The following UNC45A variants were observed in gnomAD, a reference collection of about 807,000 sequenced individuals.
The protein encoded by UNC45A is protein unc-45 homolog A.
In UNC45A, 78 loss-of-function variants were observed where a neutral mutation model predicts 103.2. The ratio of observed to expected loss-of-function variants is 0.76; its 90% CI spans 0.63 to 0.91. The LOEUF is 0.91. Ranked by LOEUF, UNC45A falls within the 40% of genes least tolerant of loss-of-function variation. The pLI is 0.00. For synonymous variants in UNC45A, 495 were observed against 504.6 expected (o/e 0.98, Z 0.25); for missense variants, 1,193 against 1,224.8 (o/e 0.97, Z 0.39).
intron 8 of UNC45A, 71 bp from the exon 9 acceptor site, chr15:90,944,821 A>G: frequency 6.5e-7 from 1 of 1,533,470 alleles, no homozygotes; most frequent in Non-Finnish European, 8.8e-7. Flanking sequence ...CACATCTCCT[A>G]GGAAGCCTGT....
At chr15:90,931,276 C>CAGATTGT, upstream of UNC45A, 1 of 1,550,462 alleles carries the variant, frequency 6.4e-7, no homozygotes, top group Non-Finnish European at 8.7e-7. Context: ...AAGCACTGAT[C>CAGATTGT]AGATTGTCAG....
rs200893334 is a variant in UNC45A, at chr15:90,943,081, A to C, written c.1026A>C (p.Gln342His). The C allele has an allele frequency of 6.2e-7, 1 of 1,607,122 alleles. No individual in the cohort carries two copies. Residue 342 changes from glutamine (Q) to histidine (H), a missense_variant and splice_region_variant, in exon 8 of 20, where the codon CAA becomes CAC. Coordinates refer to ENST00000418476, the MANE Select transcript of UNC45A (RefSeq NM_018671.5). ...NNSLTLWVID[Q>H]GLKKILEVGG... ...GCCTCACCCTCTGGGTCATCGACCA[A>C]GGTAGGTGATATAGTTCACAAAAAC...
chr15:90,939,066 G>T (rs1057351955), intron 4 of UNC45A, among the ~76,000 whole-genome samples: 4 of 150,410 alleles, frequency 2.7e-5, no homozygotes, highest in African/African-American at 9.8e-5. Flanking sequence ...TGCAACTTCC[G>T]CATCTTGGGT....
chr15:90,952,065 G>A (rs532019587), intron 17 of UNC45A, among the ~76,000 whole-genome samples: 1 of 152,320 alleles, frequency 6.6e-6, no homozygotes, highest in South Asian at 2.1e-4. Flanking sequence ...AAGAAGCACT[G>A]TAGTTCATAC....
At chr15:90,935,200 CT>C, upstream of UNC45A, 1 of 990,118 alleles carries the variant, frequency 1.0e-6, no homozygotes, top group Non-Finnish European at 1.5e-6. Flanking sequence ...CTCCTTAGCC[CT>C]GCCCCTCTCT....
chr15:90,947,457 C>T, intron 10 of UNC45A: 1 of 341,152 alleles, frequency 2.9e-6, no homozygotes. Flanking sequence ...CCTGTCCTCT[C>T]CCCACATGCC....
rs1205805765 is a variant in UNC45A at position 90,939,734 on chromosome 15, C to T, written c.430C>T (p.Arg144Ter). The T allele has an allele frequency of 3.9e-5, 63 of 1,613,926 alleles. No homozygotes were observed. The highest frequency in any genetic ancestry group is 5.5e-5 in the South Asian group (5 of 91,080). Residue 144 changes from arginine (R) to a stop codon, truncating the protein, a stop_gained, in exon 5 of 20, where the codon CGA becomes TGA. Coordinates refer to ENST00000418476, the MANE Select transcript of UNC45A (RefSeq NM_018671.5). LOFTEE classifies it high-confidence loss of function. ...CATGCTTTGTTGGTTTGTCTAGGTG[C>T]GATACATGTCCTCGACGGATGCCAA... ...NIGGQIQEKV[R>*]YMSSTDAKVE...
upstream of UNC45A, chr15:90,932,132 G>A: frequency 6.3e-7 from 1 of 1,575,808 alleles, no homozygotes; most frequent in Non-Finnish European, 8.6e-7. Context: ...GGGCAAAGCA[G>A]GAAGTCAGGT....
chr15:90,942,567 A>G lies in UNC45A; in HGVS notation c.818A>G (p.Lys273Arg), dbSNP rs1314900494. The G allele has an allele frequency of 3.7e-6, 6 of 1,614,084 alleles. No individual in the cohort carries two copies. Among genetic ancestry groups the G allele is most frequent in the African/African-American group, 2.7e-5 (2 of 74,928 alleles). Residue 273 changes from lysine (K) to arginine (R), a missense_variant, in exon 7 of 20, where the codon AAA (lysine) becomes AGA (arginine). Physicochemically the swap from Lys to Arg is conservative, Grantham distance 26. Transcript: ENST00000418476. The stretch of plus-strand genomic sequence containing the variant: ...TTTGATGCCCTCAAGGAAGGTGTCA[A>G]AAAAGGCTTCCGAGGCAAAGAAGGT... ...VMFDALKEGVKKGFRGKEGAI... is the reference protein window; with the variant it reads ...VMFDALKEGVRKGFRGKEGAI...
upstream of UNC45A, chr15:90,931,084 G>C: frequency 1.6e-6 from 1 of 624,362 alleles, no homozygotes; most frequent in South Asian, 2.0e-5. Flanking sequence ...GGGTACATCT[G>C]ATTCCCACCA....
At chr15:90,935,427 C>T (rs1256093837) in intron 1 of UNC45A, 52 bp downstream of exon 1, 2 of 1,581,420 alleles carry the variant, frequency 1.3e-6, no homozygotes, top group Admixed American at 3.5e-5. Context: ...CCTGACCATC[C>T]CTGGCCTCCT....
At chr15:90,953,372 G>T in intron 19 of UNC45A, 62 bp downstream of exon 19, 1 of 1,593,138 alleles carries the variant, frequency 6.3e-7, no homozygotes, top group South Asian at 1.1e-5. Context: ...AGCAGCTGAA[G>T]GGGGCAGTCC....
chr15:90,953,716 A>C lies in UNC45A; in HGVS notation c.2835A>C (p.Ter945CysextTer20). Reference protein sequence around the residue: ...GLIQPNQDGE* With the variant: ...GLIQPNQDGEC Reference sequence around the variant, plus strand: ...TCCAACCCAACCAAGATGGAGAGTGAGGGGGTTGTCCCTGGGCCCAAGGCT... The same window carrying C: ...TCCAACCCAACCAAGATGGAGAGTGCGGGGGTTGTCCCTGGGCCCAAGGCT... The change falls in exon 20 of 20, where the codon TGA becomes TGC. Residue 945 changes from the stop codon to cysteine, a stop_lost. Transcript: ENST00000418476. The C allele has an allele frequency of 6.2e-7, 1 of 1,613,332 alleles. No individual in the cohort carries two copies. The highest frequency in any genetic ancestry group is 8.5e-7 in the Non-Finnish European group (1 of 1,179,608).
chr15:90,940,578 C>A, intron 6 of UNC45A, 105 bp downstream of exon 6: 1 of 1,419,118 alleles, frequency 7.0e-7, no homozygotes, highest in Non-Finnish European at 9.5e-7. Context: ...CCCGTCCATC[C>A]ATCCATCCAC....
chr15:90,944,739 G>A (rs1341843277), intron 8 of UNC45A, among the ~76,000 whole-genome samples, 153 bp from the exon 9 acceptor site: 14 of 152,238 alleles, frequency 9.2e-5, no homozygotes, highest in Non-Finnish European at 1.9e-4. Context: ...TAGCAGATCA[G>A]CTAAGCAGAT....
chr15:90,953,560 G>C lies in UNC45A; in HGVS notation c.2679G>C (p.Ser893=), dbSNP rs572837270. ...AVVVLNMVEA[S]REIASTLMES... is the part of the protein sequence containing the mutation. ...TGGTGCTGAACATGGTGGAGGCCTC[G>C]AGGGAGATTGCCAGCACCCTGATGG... The change falls in exon 20 of 20, where the codon TCG becomes TCC. Residue 893 remains serine, a synonymous_variant. Transcript: ENST00000418476. 5 of 1,614,148 alleles carry C rather than the reference G, an allele frequency of 3.1e-6. No individual in the cohort carries two copies. The South Asian group carries it at 3.3e-5, about 11-fold the overall frequency.
intron 10 of UNC45A, chr15:90,947,257 C>A: frequency 3.2e-6 from 1 of 311,472 alleles, no homozygotes; most frequent in Non-Finnish European, 6.2e-6. Flanking sequence ...CTCCTCCCTC[C>A]ATGGGGCTTA....
chr15:90,934,624 T>C (rs985412680), upstream of UNC45A: 1 of 398,480 alleles, frequency 2.5e-6, no homozygotes, highest in African/African-American at 2.1e-5. Flanking sequence ...TCCTAAATTA[T>C]GGGGTGGTAG....
At position 90,947,046 on chromosome 15, in the gene UNC45A, AG is replaced by A. The variant is rs1235195033; in HGVS notation, c.1500+134del. 4 of 1,119,020 alleles carry A rather than the reference AG, an allele frequency of 3.6e-6. No homozygotes were observed. In the East Asian group the frequency reaches 1.0e-4, roughly 29 times the overall value. 69.3% of individuals were successfully genotyped at this position (1,119,020 alleles called of 1,614,324 possible). The stretch of plus-strand genomic sequence containing the variant: ...TACTGTAATGCCAAAAAAATTAGCT[AG>A]GCTTGGTGGTGCATGCCTATAGGTC... On this transcript the variant is annotated intron_variant, in intron 10 of 19. Coordinates refer to ENST00000418476, the MANE Select transcript of UNC45A (RefSeq NM_018671.5).
Sources: gnomAD v4.1 joint callset for allele counts (sites outside exome capture counted in the v4.1 genomes callset) on GRCh38, gnomAD v4.1.1 for gene constraint, MANE v1.5 for transcripts, NCBI Gene and HGNC (gene_info 2026-07-23, HGNC 2026-07-21) for gene names.